CDC42SE2: variants seen among roughly 807,000 people sequenced by gnomAD.
CDC42SE2 encodes the protein CDC42 small effector protein 2.
A neutral mutation model predicts 11.5 loss-of-function variants in CDC42SE2; 3 were observed. The ratio of observed to expected loss-of-function variants is 0.26; its 90% confidence interval spans 0.12 to 0.67. The LOEUF (loss-of-function observed/expected upper bound fraction) is 0.67. CDC42SE2 is among the 30% of genes least tolerant of loss of function. CDC42SE2 has a pLI of 0.80. For synonymous variants in CDC42SE2, 33 were observed against 34.8 expected, an observed-to-expected ratio of 0.95 and a Z score of 0.18; for missense variants, 82 against 106.8, an observed-to-expected ratio of 0.77 and a Z score of 1.02.
intron 2 of CDC42SE2, among the ~76,000 whole-genome samples, chr5:131,326,835 G>A (rs1010598773): frequency 6.6e-6 from 1 of 151,894 alleles, no homozygotes; most frequent in Non-Finnish European, 1.5e-5. Context: ...GGCTGGTCTT[G>A]AACTCCTGGA....
At chr5:131,244,034 A>G (rs1159855220), upstream of CDC42SE2, among the ~76,000 whole-genome samples, 8 of 152,236 alleles carry the variant, frequency 5.3e-5, no homozygotes, top group Non-Finnish European at 2.9e-5. Flanking sequence ...TACTAATCAT[A>G]AGAAAGCTGA....
the CDC42SE2 span, among the ~76,000 whole-genome samples, chr5:131,231,171 GATTA>G: frequency 4.1e-3 from 620 of 152,206 alleles, 6 homozygotes; most frequent in African/African-American, 0.014. Flanking sequence ...TTCTCTGGAA[GATTA>G]ATTGTTATTT....
chr5:131,390,126 C>CT, intron 4 of CDC42SE2, among the ~76,000 whole-genome samples: 1 of 152,112 alleles, frequency 6.6e-6, no homozygotes, highest in East Asian at 1.9e-4. Flanking sequence ...GATAAGAAGC[C>CT]TGATACTCAG....
chr5:131,284,290 A>C (rs1757297472), intron 1 of CDC42SE2, among the ~76,000 whole-genome samples: 1 of 152,188 alleles, frequency 6.6e-6, no homozygotes. Flanking sequence ...AATTTTAAAA[A>C]ATTGAAAATT....
chr5:131,278,710 CT>C (rs1757158202), intron 1 of CDC42SE2, among the ~76,000 whole-genome samples: 1 of 81,842 alleles, frequency 1.2e-5, no homozygotes, highest in Non-Finnish European at 2.5e-5. Context: ...CTTTCCTTTC[CT>C]CTCCCCTCCC....
chr5:131,342,713 CTTT>C (rs1758741060), intron 2 of CDC42SE2, among the ~76,000 whole-genome samples: 1 of 150,490 alleles, frequency 6.6e-6, no homozygotes, highest in South Asian at 2.1e-4. Context: ...TTCATTGATT[CTTT>C]TTTATTTTTT....
Position 131,350,494 on chromosome 5 carries a change from A to G in CDC42SE2, c.-285-8715A>G, listed in dbSNP as rs143249210. Among the ~76,000 whole-genome samples, 626 of 152,180 alleles carry G rather than the reference A, an allele frequency of 4.1e-3. 4 individuals are homozygous for G. Among genetic ancestry groups the G allele is most frequent in the African/African-American group, 0.013 (542 of 41,562 alleles). ...TCCTGAGATAAAGAAATGTTTCTTA[A>G]GTAAGATAAAACCACTAATCTGTTA... On this transcript the variant is annotated intron_variant, in intron 2 of 4. Transcript: ENST00000505065.
intron 3 of CDC42SE2, among the ~76,000 whole-genome samples, chr5:131,367,093 C>G (rs908499879): frequency 6.6e-6 from 1 of 150,568 alleles, no homozygotes; most frequent in Non-Finnish European, 1.5e-5. Flanking sequence ...TCAAAATATA[C>G]AATCAAATAT....
At chr5:131,290,486 G>GTTT (rs532593648) in intron 1 of CDC42SE2, among the ~76,000 whole-genome samples, 23 of 103,130 alleles carry the variant, frequency 2.2e-4, no homozygotes, top group African/African-American at 5.5e-4. Context: ...TTTTTTTTTT[G>GTTT]TTTTTTTTTT....
chr5:131,337,236 C>T (rs1378407596), intron 2 of CDC42SE2, among the ~76,000 whole-genome samples: 1 of 152,170 alleles, frequency 6.6e-6, no homozygotes, highest in African/African-American at 2.4e-5. Flanking sequence ...AGGTCCACTC[C>T]AGACCCTGTT....
chr5:131,325,531 A>C (rs1758277749), intron 2 of CDC42SE2, among the ~76,000 whole-genome samples: 1 of 149,926 alleles, frequency 6.7e-6, no homozygotes, highest in Non-Finnish European at 1.5e-5. Flanking sequence ...CTCAAAATTG[A>C]GTGTGGTAAA....
At chr5:131,292,906 CAAAAAAAAA>C (rs869300653) in intron 1 of CDC42SE2, among the ~76,000 whole-genome samples, 12 of 58,914 alleles carry the variant, frequency 2.0e-4, no homozygotes, top group African/African-American at 1.2e-3. Flanking sequence ...GACCCTGTCT[CAAAAAAAAA>C]AAAAAAAAAA....
At chr5:131,346,939 T>C (rs1056632944) in intron 2 of CDC42SE2, among the ~76,000 whole-genome samples, 2 of 152,148 alleles carry the variant, frequency 1.3e-5, no homozygotes, top group Non-Finnish European at 2.9e-5. Flanking sequence ...GAAATAAAGA[T>C]GTTCTTTGAA....
intron 2 of CDC42SE2, among the ~76,000 whole-genome samples, chr5:131,338,843 C>G (rs1189275124): frequency 6.6e-6 from 1 of 152,100 alleles, no homozygotes; most frequent in African/African-American, 2.4e-5. Context: ...ATATAATATC[C>G]ATGTGGTACA....
At chr5:131,253,421 C>T (rs1756656492) in intron 1 of CDC42SE2, among the ~76,000 whole-genome samples, 2 of 152,188 alleles carry the variant, frequency 1.3e-5, no homozygotes, top group African/African-American at 4.8e-5. Context: ...CAGCAAAAAT[C>T]TGTTGCATTG....
chr5:131,239,359 C>A, the CDC42SE2 span, among the ~76,000 whole-genome samples: 1 of 151,516 alleles, frequency 6.6e-6, no homozygotes, highest in South Asian at 2.1e-4. Flanking sequence ...ATCACTTGAG[C>A]CCAGGATGTC....
intron 1 of CDC42SE2, among the ~76,000 whole-genome samples, chr5:131,267,583 T>A (rs1395220621): frequency 1.3e-5 from 2 of 152,174 alleles, no homozygotes; most frequent in Non-Finnish European, 2.9e-5. Context: ...TAGAAAGCAT[T>A]TCTTTTTCCT....
At chr5:131,258,780 C>T (rs757316679) in intron 2 of CDC42SE2, among the ~76,000 whole-genome samples, 6 of 152,212 alleles carry the variant, frequency 3.9e-5, no homozygotes, top group Non-Finnish European at 5.9e-5. Flanking sequence ...CTAATTCAGA[C>T]CTCAGTGATC....
intron 1 of CDC42SE2, among the ~76,000 whole-genome samples, chr5:131,246,032 A>G (rs1010029645): frequency 6.6e-6 from 1 of 152,188 alleles, no homozygotes; most frequent in Non-Finnish European, 1.5e-5. Flanking sequence ...TCATATTGAG[A>G]ATTGTACTTC....
Sources: allele counts gnomAD v4.1 joint callset (sites outside exome capture counted in the v4.1 genomes callset), GRCh38; gene constraint gnomAD v4.1.1; transcripts MANE v1.5; gene names NCBI Gene and HGNC (gene_info 2026-07-23, HGNC 2026-07-21).